AOAH: variants seen among roughly 807,000 people sequenced by gnomAD.
AOAH encodes acyloxyacyl hydrolase.
AOAH carries 64 observed loss-of-function variants against 92.2 expected under a neutral mutation model. The ratio of observed to expected loss-of-function variants is 0.69; its 90% CI spans 0.57 to 0.86. The LOEUF (loss-of-function observed/expected upper bound fraction) is 0.86. Ranked by LOEUF, AOAH falls within the 40% of genes least tolerant of loss-of-function variation. The probability of loss-of-function intolerance (pLI) is 0.00; values close to 1 mark genes in which losing one functional copy is unlikely to be tolerated. For missense variants in AOAH, 656 were observed against 694.6 expected (o/e 0.94, Z 0.62); for synonymous variants, 263 against 254.5 (o/e 1.03, Z -0.32).
At chr7:36,682,385 G>C (rs1796709329) in intron 2 of AOAH, among the ~76,000 whole-genome samples, 1 of 152,136 alleles carries the variant, frequency 6.6e-6, no homozygotes, top group Non-Finnish European at 1.5e-5. Flanking sequence ...CTCTTTCTAA[G>C]AGTTTTTGAA....
At chr7:36,652,004 C>T (rs1442741071) in intron 4 of AOAH, among the ~76,000 whole-genome samples, 2 of 152,072 alleles carry the variant, frequency 1.3e-5, no homozygotes, top group African/African-American at 2.4e-5. Flanking sequence ...CTAAGAAGGC[C>T]AATAAGCAAT....
intron 15 of AOAH, among the ~76,000 whole-genome samples, chr7:36,544,017 G>A (rs189261350): frequency 4.4e-5 from 6 of 136,594 alleles, no homozygotes; most frequent in Admixed American, 2.5e-4. Context: ...GTGCGATCTC[G>A]CTCACTGCAA....
intron 2 of AOAH, among the ~76,000 whole-genome samples, chr7:36,683,883 A>G (rs1214896623): frequency 6.6e-6 from 1 of 151,990 alleles, no homozygotes; most frequent in Non-Finnish European, 1.5e-5. Flanking sequence ...AATCCCAGCT[A>G]CTCAGGAGGC....
At chr7:36,544,470 C>A (rs558725872) in intron 15 of AOAH, among the ~76,000 whole-genome samples, 28 of 152,076 alleles carry the variant, frequency 1.8e-4, no homozygotes, top group Admixed American at 4.6e-4. Context: ...ATTTGTCTGC[C>A]GACTCCAGGG....
In AOAH at chr7:36,513,210, C is replaced by T. The variant is rs760657747; in HGVS notation, c.*42G>A. 2.2e-5 allele frequency: 36 copies of T among 1,614,222 alleles called. No homozygotes were observed. The South Asian group carries it at 3.7e-4, about 17-fold the overall frequency. ...TTGTGGAATGAGTTTACCCAAGCCT[C>T]TGCCTCCCTGTGCTCCCCAGGGGTG... On this transcript the variant is annotated 3_prime_UTR_variant, in exon 21 of 21. Transcript: ENST00000617537.
chr7:36,654,884 A>G (rs1424923485), intron 4 of AOAH, among the ~76,000 whole-genome samples: 2 of 152,226 alleles, frequency 1.3e-5, no homozygotes, highest in Admixed American at 6.5e-5. Flanking sequence ...CACTAGCTGT[A>G]TAGCCTGGGA....
chr7:36,544,277 T>C (rs1274432356), intron 15 of AOAH, among the ~76,000 whole-genome samples: 2 of 152,142 alleles, frequency 1.3e-5, no homozygotes, highest in Admixed American at 1.3e-4. Context: ...TTTTGATCTG[T>C]GTACTTTTTC....
At chr7:36,703,046 T>C (rs879497678) in intron 1 of AOAH, among the ~76,000 whole-genome samples, 1 of 152,190 alleles carries the variant, frequency 6.6e-6, no homozygotes, top group Non-Finnish European at 1.5e-5. Flanking sequence ...AAAACATCTT[T>C]ATTTGCTTAG....
rs368151055 is a variant in AOAH at position 36,549,440 on chromosome 7, T to C, written c.1057A>G (p.Ser353Gly). ...AACAACTTCTTATCTTCTGCTTACC[T>C]TTCTATAAATTTCTTCAGGTTTCGG... ...SSRNLKKFIESLSRNKVLDYP... is the reference protein window; with the variant it reads ...SSRNLKKFIEGLSRNKVLDYP... The change falls in exon 14 of 21, where the codon AGC becomes GGC. Residue 353 changes from serine to glycine, a missense_variant and splice_region_variant. Transcript: ENST00000617537. The C allele has an allele frequency of 8.2e-6, 13 of 1,594,952 alleles. No homozygotes were observed. The African/African-American group carries it at 1.3e-4, about 16-fold the overall frequency.
At chr7:36,665,266 A>T (rs112010096) in intron 3 of AOAH, among the ~76,000 whole-genome samples, 2 of 152,272 alleles carry the variant, frequency 1.3e-5, no homozygotes, top group African/African-American at 4.8e-5. Context: ...ATTTTGTTAG[A>T]TTTACACATA....
At chr7:36,556,404 C>A (rs1487192180) in intron 13 of AOAH, among the ~76,000 whole-genome samples, 2 of 151,908 alleles carry the variant, frequency 1.3e-5, no homozygotes, top group East Asian at 1.9e-4. Context: ...TTACTTCCAA[C>A]TATGTGGTCA....
intron 16 of AOAH, among the ~76,000 whole-genome samples, chr7:36,536,524 C>A (rs548831540): frequency 6.6e-6 from 1 of 152,274 alleles, no homozygotes; most frequent in East Asian, 1.9e-4. Context: ...CCAGCATGAA[C>A]CCTGCTTCAC....
intron 12 of AOAH, among the ~76,000 whole-genome samples, chr7:36,592,870 C>T (rs1789842357): frequency 6.6e-6 from 1 of 152,156 alleles, no homozygotes; most frequent in African/African-American, 2.4e-5. Context: ...AAGGACTAGC[C>T]TTTTTTAAAA....
At chr7:36,653,535 C>T (rs976537804) in intron 4 of AOAH, among the ~76,000 whole-genome samples, 7 of 152,278 alleles carry the variant, frequency 4.6e-5, no homozygotes, top group African/African-American at 1.4e-4. Flanking sequence ...TGTGCATACA[C>T]ACCCTCCCCC....
chr7:36,590,247 T>G (rs1400556393), intron 12 of AOAH, among the ~76,000 whole-genome samples: 1 of 150,526 alleles, frequency 6.6e-6, no homozygotes, highest in East Asian at 2.0e-4. Flanking sequence ...TTAAAAATAC[T>G]TTTTTCTTCC....
chr7:36,660,191 C>T (rs1227538246), intron 3 of AOAH, among the ~76,000 whole-genome samples: 1 of 152,248 alleles, frequency 6.6e-6, no homozygotes, highest in African/African-American at 2.4e-5. Context: ...CACTTGCACC[C>T]AAGTGAATAA....
intron 1 of AOAH, among the ~76,000 whole-genome samples, chr7:36,702,189 TTGTG>T (rs1798072324): frequency 6.6e-6 from 1 of 152,312 alleles, no homozygotes; most frequent in African/African-American, 2.4e-5. Flanking sequence ...AGAGAAGTGT[TTGTG>T]TGTATGTGCA....
chr7:36,517,156 G>GTCTTTTTCTTTCTTTCTT (rs1554360833), intron 20 of AOAH, among the ~76,000 whole-genome samples: 95 of 95,500 alleles, frequency 9.9e-4, no homozygotes, highest in Admixed American at 2.7e-3. Context: ...ATCCATGTTA[G>GTCTTTTTCTTTCTTTCTT]TCTTTCTTTC....
At chr7:36,568,577 A>G (rs2116556180) in intron 13 of AOAH, among the ~76,000 whole-genome samples, 1 of 152,298 alleles carries the variant, frequency 6.6e-6, no homozygotes, top group African/African-American at 2.4e-5. Context: ...ACAATCATCC[A>G]GAGGGAGTAC....
Sources: allele counts gnomAD v4.1 joint callset (sites outside exome capture counted in the v4.1 genomes callset), GRCh38; gene constraint gnomAD v4.1.1; transcripts MANE v1.5; gene names NCBI Gene and HGNC (gene_info 2026-07-23, HGNC 2026-07-21).